The following C12orf43 variants were observed in gnomAD, a reference collection of about 807,000 sequenced individuals.
The protein encoded by C12orf43 is chromosome 12 open reading frame 43.
In C12orf43, 15 loss-of-function variants were observed where a neutral mutation model predicts 20.6. The observed-to-expected ratio is 0.73, with a 90% CI of 0.49 to 1.12. C12orf43 has a LOEUF of 1.12. Among genes scored for constraint, C12orf43 ranks in the 50% most tolerant of loss-of-function variants. The pLI is 0.00. For missense variants in C12orf43, 334 were observed against 344.4 expected, an observed-to-expected ratio of 0.97 and a Z score of 0.24; for synonymous variants, 144 against 130.8, an observed-to-expected ratio of 1.10 and a Z score of -0.69.
intron 1 of C12orf43, among the ~76,000 whole-genome samples, chr12:121,013,586 GAATT>G (rs1386976095): frequency 6.6e-6 from 1 of 152,194 alleles, no homozygotes; most frequent in East Asian, 1.9e-4. Context: ...GTCTTGGTTT[GAATT>G]AATTGTCAGA....
intron 1 of C12orf43, among the ~76,000 whole-genome samples, chr12:121,013,076 G>C (rs1390626714): frequency 6.6e-6 from 1 of 152,134 alleles, no homozygotes; most frequent in Non-Finnish European, 1.5e-5. Context: ...GGGCACTGCT[G>C]TGTTTATGTC....
rs201205970 is a variant in C12orf43, at chr12:121,012,432, G to C, written c.146-1286C>G. 53 of 702,620 alleles carry C rather than the reference G, an allele frequency of 7.5e-5. No individual in the cohort carries two copies. The East Asian group carries it at 1.4e-3, about 18-fold the overall frequency. 43.5% of individuals were successfully genotyped at this position (702,620 alleles called of 1,614,324 possible). On this transcript the variant is annotated intron_variant, in intron 1 of 5. Transcript: ENST00000288757. ...GCAGAGAAGGGACATAAACTGACCT[G>C]GGTTTTGACAGAACATCTTTGGCTG...
In C12orf43 at chr12:121,006,170, T is replaced by C. The variant is rs1027885064; in HGVS notation, c.361+151A>G. 8.0e-5 allele frequency: 52 copies of C among 651,836 alleles called. No individual in the cohort carries two copies. The South Asian group carries it at 9.5e-4, about 12-fold the overall frequency. 40.4% of individuals were successfully genotyped at this position (651,836 alleles called of 1,614,324 possible). A position where few individuals can be genotyped will look rare whatever the true frequency, so the allele number is the denominator to read the frequency against. Reference sequence around the variant, plus strand: ...GGTTGAGGCTGCATTGAGCTATAATTGCTCCACTGCACTCCAGCCTAGGTG... The same window carrying C: ...GGTTGAGGCTGCATTGAGCTATAATCGCTCCACTGCACTCCAGCCTAGGTG... On this transcript the variant is annotated intron_variant, in intron 4 of 5. Transcript: ENST00000288757.
chr12:121,016,290 C>T (rs1868906499), intron 1 of C12orf43, 40 bp downstream of exon 1: 1 of 1,611,820 alleles, frequency 6.2e-7, no homozygotes, highest in Admixed American at 1.7e-5. Flanking sequence ...GGGGAAGATC[C>T]CACGCCCCTC....
rs1030247287 is a variant in C12orf43 at position 121,001,986 on chromosome 12, C to T, written c.*2167G>A. On this transcript the variant is annotated 3_prime_UTR_variant, in exon 6 of 6. Transcript: ENST00000288757. Reference sequence around the variant, plus strand: ...GAAGGCTACTTCGGGGCTGGGAAGTCGTCCTTACTCCTGTGGGAGCCTCGC... The same window carrying T: ...GAAGGCTACTTCGGGGCTGGGAAGTTGTCCTTACTCCTGTGGGAGCCTCGC... 11 of 535,980 alleles carry T rather than the reference C, an allele frequency of 2.1e-5. No homozygotes were observed. The East Asian group carries it at 3.9e-4, about 19-fold the overall frequency. 33.2% of individuals were successfully genotyped at this position (535,980 alleles called of 1,614,324 possible).
rs866458335 is a variant in C12orf43 at position 121,005,047 on chromosome 12, T to C, written c.408A>G (p.Glu136=). The C allele has an allele frequency of 2.6e-6, 4 of 1,515,566 alleles. No individual in the cohort carries two copies. Among genetic ancestry groups the C allele is most frequent in the Middle Eastern group, 1.7e-4 (1 of 5,758 alleles). The allele number at this position is 1,515,566 out of a possible 1,614,324, so 93.9% of individuals were successfully genotyped here. ...FTSVPGGREK[E]ESPQPRRKRQ... ...GCTTTCGGCGGGGTTGGGGAGACTCTTCCTTCTCACGGCCTCCAGGGACAG... is the reference window on the plus strand; with the variant it reads ...GCTTTCGGCGGGGTTGGGGAGACTCCTCCTTCTCACGGCCTCCAGGGACAG... The change falls in exon 5 of 6, where the codon GAA becomes GAG. Residue 136 remains glutamate (E), a synonymous_variant. Transcript: ENST00000288757. The surrounding 1 kb of genome is among the most constrained non-coding windows in gnomAD (Gnocchi z 5.6).
At position 121,004,237 on chromosome 12, in the gene C12orf43, G is replaced by A. The variant is rs1877781018; in HGVS notation, c.705C>T (p.Thr235=). 3 of 1,614,018 alleles carry A rather than the reference G, an allele frequency of 1.9e-6. No individual in the cohort carries two copies. The highest frequency in any genetic ancestry group is 1.1e-5 in the South Asian group (1 of 91,086). The stretch of plus-strand genomic sequence containing the variant: ...CCTTCTTTGCCTTTTTCTTCTTTTT[G>A]GTCCCAAGCGACACCTGGTCCCCGT... ...ELNGDQVSLG[T]KKKKKAKKAS... Residue 235 remains threonine, a synonymous_variant, in exon 6 of 6, where the codon ACC becomes ACT. Transcript: ENST00000288757. The surrounding 1 kb of genome is among the most constrained non-coding windows in gnomAD (Gnocchi z 5.6).
chr12:121,001,141 C>T lies in C12orf43; in HGVS notation c.*3012G>A. 2.9e-5 allele frequency: 47 copies of T among 1,614,116 alleles called. No individual in the cohort carries two copies. Among genetic ancestry groups the T allele is most frequent in the Non-Finnish European group, 4.0e-5 (47 of 1,180,000 alleles). ...AGAGCCACCTGCTGCCATCCAACCA[C>T]AGCGTCATCGAGACCTTCATCTCCA... On this transcript the variant is annotated 3_prime_UTR_variant, in exon 6 of 6. Coordinates refer to ENST00000288757, the MANE Select transcript of C12orf43 (RefSeq NM_022895.3).
At chr12:121,015,400 C>T (rs950158131) in intron 1 of C12orf43, among the ~76,000 whole-genome samples, 2 of 152,192 alleles carry the variant, frequency 1.3e-5, no homozygotes, top group Admixed American at 1.3e-4. Flanking sequence ...CTTAACCTTG[C>T]TTTGCCATAG....
At position 121,003,954 on chromosome 12, in the gene C12orf43, T is replaced by C; in HGVS notation, c.*199A>G. 1.6e-6 allele frequency: 1 copy of C among 625,756 alleles called. No individual in the cohort carries two copies. The highest frequency in any genetic ancestry group is 2.8e-5 in the Admixed American group (1 of 36,106). The allele number at this position is 625,756 out of a possible 1,614,324, so 38.8% of individuals were successfully genotyped here. A position where few individuals can be genotyped will look rare whatever the true frequency, so the allele number is the denominator to read the frequency against. On this transcript the variant is annotated 3_prime_UTR_variant, in exon 6 of 6. Transcript: ENST00000288757. The stretch of plus-strand genomic sequence containing the variant: ...GCACAGAGGGGCAGGCCTTGATTGG[T>C]CTTCTCACCCTACAGCCACTTTTTT...
rs780647225 is a variant in C12orf43 at position 121,010,899 on chromosome 12, A to T, written c.216T>A (p.Asp72Glu). Residue 72 changes from aspartate to glutamate, a missense_variant, in exon 3 of 6, where the codon GAT (aspartate) becomes GAA (glutamate). Transcript: ENST00000288757. ...LRHKVNEHEQ[D>E]GNELQTTPEF... ...CAGGGGTGGTCTGAAGCTCGTTGCC[A>T]TCTTGTTCATGCTCATTCACCTTAT... The T allele has an allele frequency of 3.7e-6, 6 of 1,614,132 alleles. No individual in the cohort carries two copies. In the South Asian group the frequency reaches 6.6e-5, roughly 18 times the overall value.
In C12orf43 at chr12:121,000,757, G is replaced by A. The variant is rs570945068; in HGVS notation, c.*3396C>T. ...ACAAAGCACCTGCATTCACAGCAGC[G>A]CCTAGATTAGTGTTTGACTCAGCCT... On this transcript the variant is annotated 3_prime_UTR_variant, in exon 6 of 6. Transcript: ENST00000288757. 3.8e-4 allele frequency: 164 copies of A among 434,426 alleles called. No homozygotes were observed. Among genetic ancestry groups the A allele is most frequent in the African/African-American group, 2.2e-3 (112 of 49,962 alleles). The allele number at this position is 434,426 out of a possible 1,614,324, so 26.9% of individuals were successfully genotyped here.
chr12:121,009,501 G>A (rs1441582432), intron 3 of C12orf43, among the ~76,000 whole-genome samples: 3 of 152,116 alleles, frequency 2.0e-5, no homozygotes, highest in Non-Finnish European at 4.4e-5. Context: ...TTAGGAGATG[G>A]GGGCCTTTGA....
In C12orf43 at chr12:121,002,421, G is replaced by T; in HGVS notation, c.*1732C>A. 1.9e-6 allele frequency: 1 copy of T among 531,640 alleles called. No individual in the cohort carries two copies. The highest frequency in any genetic ancestry group is 3.6e-6 in the Non-Finnish European group (1 of 274,232). The allele number at this position is 531,640 out of a possible 1,614,324, so 32.9% of individuals were successfully genotyped here. A position where few individuals can be genotyped will look rare whatever the true frequency, so the allele number is the denominator to read the frequency against. The stretch of plus-strand genomic sequence containing the variant: ...CCTGGGATTCAGGAAAAGGCCTGGG[G>T]TGACCCGGCACCCCCTGCAGCTTGT... On this transcript the variant is annotated 3_prime_UTR_variant, in exon 6 of 6. Coordinates refer to ENST00000288757, the MANE Select transcript of C12orf43 (RefSeq NM_022895.3).
chr12:121,015,892 G>T (rs1200997436), intron 1 of C12orf43, among the ~76,000 whole-genome samples: 6 of 152,210 alleles, frequency 3.9e-5, no homozygotes, highest in African/African-American at 1.4e-4. Flanking sequence ...GCCCCTTGAT[G>T]TTGCGGGGCT....
At chr12:121,014,173 TA>T (rs1187175584) in intron 1 of C12orf43, among the ~76,000 whole-genome samples, 1 of 135,078 alleles carries the variant, frequency 7.4e-6, no homozygotes, top group Non-Finnish European at 1.6e-5. Flanking sequence ...AATAAAAATA[TA>T]AAAAAAAATT....
Position 121,004,049 on chromosome 12 carries a change from C to A in C12orf43, c.*104G>T. 7.6e-7 allele frequency: 1 copy of A among 1,310,590 alleles called. No homozygotes were observed. 81.2% of individuals were successfully genotyped at this position (1,310,590 alleles called of 1,614,324 possible). ...GGCAGTCTGGGTTTGCCAGCCCAGT[C>A]CTTGAACTTGGAGAGGGAGGTGGGG... On this transcript the variant is annotated 3_prime_UTR_variant, in exon 6 of 6. Transcript: ENST00000288757. The surrounding 1 kb of genome is among the most constrained non-coding windows in gnomAD (Gnocchi z 5.6).
chr12:121,014,765 G>A (rs1180926334), intron 1 of C12orf43, among the ~76,000 whole-genome samples: 1 of 151,918 alleles, frequency 6.6e-6, no homozygotes, highest in Non-Finnish European at 1.5e-5. Context: ...GATCACTTGA[G>A]CCCAGGAGTT....
In C12orf43 at chr12:121,002,252, G is replaced by T; in HGVS notation, c.*1901C>A. 1 of 441,092 alleles carries T rather than the reference G, an allele frequency of 2.3e-6. No individual in the cohort carries two copies. The highest frequency in any genetic ancestry group is 2.0e-5 in the African/African-American group (1 of 50,800). 27.3% of individuals were successfully genotyped at this position (441,092 alleles called of 1,614,324 possible). On this transcript the variant is annotated 3_prime_UTR_variant, in exon 6 of 6. Coordinates refer to ENST00000288757, the MANE Select transcript of C12orf43 (RefSeq NM_022895.3). ...CAGAAGCCTGGGGGCCTGGCTGGCT[G>T]AGGGCAGTTCGCAGCCACCCTGAGG... is the stretch of plus-strand genomic sequence containing the variant.
Sources: gnomAD v4.1 joint callset for allele counts (sites outside exome capture counted in the v4.1 genomes callset) on GRCh38, gnomAD v4.1.1 for gene constraint, Gnocchi (gnomAD v3.1) non-coding constraint, MANE v1.5 for transcripts, NCBI Gene and HGNC (gene_info 2026-07-23, HGNC 2026-07-21) for gene names.